Variants in MAPK10 observed in about 807,000 individuals in gnomAD.
MAPK10 encodes JNK3 alpha protein kinase.
Under a neutral mutation model 59.3 loss-of-function variants are expected in MAPK10, and 25 were observed. The ratio of observed to expected loss-of-function variants is 0.42; its 90% confidence interval spans 0.31 to 0.59. The LOEUF (loss-of-function observed/expected upper bound fraction) is 0.59. MAPK10 is among the 20% of genes least tolerant of loss of function. MAPK10 has a pLI of 0.15. For missense variants in MAPK10, 351 were observed against 568.9 expected, an observed-to-expected ratio of 0.62 and a Z score of 3.90; for synonymous variants, 190 against 200.5, an observed-to-expected ratio of 0.95 and a Z score of 0.44.
chr4:86,111,170 A>C (rs2057415773), intron 4 of MAPK10, among the ~76,000 whole-genome samples: 1 of 152,176 alleles, frequency 6.6e-6, no homozygotes, highest in Non-Finnish European at 1.5e-5. Flanking sequence ...GCCACCTGCA[A>C]ACAAAGACAA....
At chr4:86,501,752 C>T (rs909685154) in intron 1 of MAPK10, among the ~76,000 whole-genome samples, 1 of 151,744 alleles carries the variant, frequency 6.6e-6, no homozygotes, top group African/African-American at 2.4e-5. Context: ...AAAGACATAC[C>T]AACTGGGTTC....
intron 1 of MAPK10, among the ~76,000 whole-genome samples, chr4:86,540,448 C>T (rs540044651): frequency 2.2e-4 from 34 of 151,914 alleles, no homozygotes; most frequent in African/African-American, 6.8e-4. Context: ...TGCAGTGAGC[C>T]GGGATCACAT....
At chr4:86,152,595 A>G (rs2066744430) in intron 4 of MAPK10, 1 of 152,194 alleles carries the variant, frequency 6.6e-6, no homozygotes, top group Admixed American at 6.5e-5. Context: ...CAGCCCCCAC[A>G]TTCAAATCCA....
chr4:86,465,872 G>C lies in MAPK10; in HGVS notation c.-262-111228C>G, dbSNP rs571116193. Among the ~76,000 whole-genome samples, 10 of 152,280 alleles carry C rather than the reference G, an allele frequency of 6.6e-5. No individual in the cohort carries two copies. In the South Asian group the frequency reaches 1.9e-3, roughly 28 times the overall value. ...TGTCGAACACAGCCACCTACCTGGG[G>C]ACAGATCAAGAAGCTGTCACAGATG... On this transcript the variant is annotated intron_variant, in intron 1 of 4. Coordinates refer to the MAPK10 transcript ENST00000502302.
intron 1 of MAPK10, chr4:86,429,576 G>A (rs1191210962): frequency 6.6e-6 from 1 of 152,114 alleles, no homozygotes; most frequent in Non-Finnish European, 1.5e-5. Flanking sequence ...GCCAAGGTAG[G>A]AGGATTCCTT....
Position 86,029,322 on chromosome 4 carries a change from C to T in MAPK10, c.1175-48G>A, listed in dbSNP as rs367688906. The T allele has an allele frequency of 4.3e-5, 51 of 1,199,174 alleles. No homozygotes were observed. In the Middle Eastern group the frequency reaches 6.1e-4, roughly 14 times the overall value. The allele number at this position is 1,199,174 out of a possible 1,614,324, so 74.3% of individuals were successfully genotyped here. On this transcript the variant is annotated intron_variant, in intron 12 of 13. Transcript: ENST00000641462. ...TATAGAAAACAAATTTATCCTTCATCCACAGGGAAATTCATTACTTAATGC... is the reference window on the plus strand; with the variant it reads ...TATAGAAAACAAATTTATCCTTCATTCACAGGGAAATTCATTACTTAATGC...
intron 11 of MAPK10, among the ~76,000 whole-genome samples, chr4:86,061,585 T>C (rs2045769993): frequency 6.6e-6 from 1 of 152,148 alleles, no homozygotes; most frequent in Non-Finnish European, 1.5e-5. Context: ...TGTACTTTGG[T>C]AGTTTGGGAA....
At chr4:86,168,333 CT>C (rs1443029553) in intron 3 of MAPK10, among the ~76,000 whole-genome samples, 2 of 152,220 alleles carry the variant, frequency 1.3e-5, no homozygotes, top group Non-Finnish European at 2.9e-5. Context: ...CAGACAGCAC[CT>C]GGAAAATCGG....
intron 2 of MAPK10, among the ~76,000 whole-genome samples, chr4:86,244,671 C>T (rs1390664087): frequency 1.3e-5 from 2 of 152,220 alleles, no homozygotes; most frequent in African/African-American, 4.8e-5. Context: ...AGAAAGGGCC[C>T]ATAAAGTGTA....
At chr4:86,116,133 A>G (rs913141244) in intron 4 of MAPK10, among the ~76,000 whole-genome samples, 8 of 152,222 alleles carry the variant, frequency 5.3e-5, no homozygotes, top group Non-Finnish European at 1.2e-4. Context: ...TAAAATATCA[A>G]AAGAAAGAAT....
intron 1 of MAPK10, among the ~76,000 whole-genome samples, chr4:86,465,057 G>A (rs1219612145): frequency 1.3e-5 from 2 of 152,198 alleles, no homozygotes; most frequent in African/African-American, 4.8e-5. Flanking sequence ...TTGTGAAATG[G>A]TACATTCCTC....
intron 1 of MAPK10, among the ~76,000 whole-genome samples, chr4:86,519,566 T>C (rs1396364128): frequency 6.6e-6 from 1 of 152,188 alleles, no homozygotes; most frequent in Non-Finnish European, 1.5e-5. Context: ...GGTGAATTCT[T>C]ATCCATTCTG....
At chr4:86,557,635 G>C (rs757804082) in intron 1 of MAPK10, among the ~76,000 whole-genome samples, 1 of 151,998 alleles carries the variant, frequency 6.6e-6, no homozygotes, top group African/African-American at 2.4e-5. Flanking sequence ...AGCACTAGAT[G>C]TTGTATTTAA....
intron 2 of MAPK10, among the ~76,000 whole-genome samples, chr4:86,305,376 T>C (rs956386714): frequency 2.0e-5 from 3 of 152,218 alleles, no homozygotes; most frequent in African/African-American, 7.2e-5. Context: ...AGAAAGCTTA[T>C]GTTTCCATTA....
intron 9 of MAPK10, among the ~76,000 whole-genome samples, chr4:86,076,627 C>A (rs2049533772): frequency 6.6e-6 from 1 of 152,036 alleles, no homozygotes; most frequent in Non-Finnish European, 1.5e-5. Flanking sequence ...TTTCTGAAGC[C>A]CCTTCCTTAG....
At chr4:86,389,900 G>C (rs1410754385) in intron 1 of MAPK10, among the ~76,000 whole-genome samples, 2 of 151,842 alleles carry the variant, frequency 1.3e-5, no homozygotes, top group South Asian at 2.1e-4. Flanking sequence ...TATAGCTGTT[G>C]AATTCATGTT....
In MAPK10 at chr4:86,174,306, C is replaced by G. The variant is rs147703141; in HGVS notation, c.67-14839G>C. ...ACGCAGTCGTAAAGAGGAATGAGATCATATCCTTTGCAGGGACATGCATGA... is the reference window on the plus strand; with the variant it reads ...ACGCAGTCGTAAAGAGGAATGAGATGATATCCTTTGCAGGGACATGCATGA... On this transcript the variant is annotated intron_variant, in intron 3 of 13. Transcript: ENST00000641462. Among the ~76,000 whole-genome samples, 1,109 of 152,272 alleles carry G rather than the reference C, an allele frequency of 7.3e-3. 20 individuals are homozygous for G. The highest frequency in any genetic ancestry group is 0.026 in the African/African-American group (1,077 of 41,564).
intron 11 of MAPK10, among the ~76,000 whole-genome samples, chr4:86,039,785 G>A (rs1270865305): frequency 1.3e-5 from 2 of 152,166 alleles, no homozygotes; most frequent in East Asian, 1.9e-4. Flanking sequence ...AGACATAGGC[G>A]TCAGGTCTGC....
At chr4:86,074,778 G>C (rs1453358708) in intron 9 of MAPK10, among the ~76,000 whole-genome samples, 1 of 129,292 alleles carries the variant, frequency 7.7e-6, no homozygotes, top group East Asian at 2.1e-4. Flanking sequence ...TAGTCTGATG[G>C]GCTTCCCTTT....
Sources: allele counts gnomAD v4.1 joint callset (sites outside exome capture counted in the v4.1 genomes callset), GRCh38; gene constraint gnomAD v4.1.1; transcripts MANE v1.5; gene names NCBI Gene and HGNC (gene_info 2026-07-23, HGNC 2026-07-21).